Variants in CCDC178 observed in about 807,000 individuals in gnomAD.
CCDC178 encodes the protein coiled-coil domain-containing protein 178.
CCDC178 carries 126 observed loss-of-function variants against 117.4 expected under a neutral mutation model. That is an observed-to-expected ratio of 1.07 (90% CI 0.93 to 1.24). The LOEUF (loss-of-function observed/expected upper bound fraction) is 1.24, where lower values mean the gene tolerates loss of function less well. Ranked by LOEUF, CCDC178 falls within the 50% of genes most tolerant of loss-of-function variation. The pLI, the probability that CCDC178 is intolerant of heterozygous loss-of-function variation, is 0.00. For synonymous variants in CCDC178, 283 were observed against 313.4 expected (o/e 0.90, Z 1.02); for missense variants, 1,030 against 986.9 (o/e 1.04, Z -0.59).
chr18:33,224,916 G>A lies in CCDC178; in HGVS notation c.1677C>T (p.Tyr559=), dbSNP rs747718980. 1.7e-5 allele frequency: 26 copies of A among 1,510,046 alleles called. No individual in the cohort carries two copies. The East Asian group carries it at 3.2e-4, about 19-fold the overall frequency. 93.5% of individuals were successfully genotyped at this position (1,510,046 alleles called of 1,614,324 possible). A position where few individuals can be genotyped will look rare whatever the true frequency, so the allele number is the denominator to read the frequency against. Residue 559 remains tyrosine (Y), a synonymous_variant, in exon 17 of 23, where the codon TAC becomes TAT. Coordinates refer to ENST00000383096, the MANE Select transcript of CCDC178 (RefSeq NM_001105528.4). ...CTTTCCGCTCAAGTGCCTGGACTTCGTAAATGGAATATAGTTTTTTCTGCC... is the reference window on the plus strand; with the variant it reads ...CTTTCCGCTCAAGTGCCTGGACTTCATAAATGGAATATAGTTTTTTCTGCC... ...MVLQKKLYSI[Y]EVQALERKEL...
intron 2 of CCDC178, among the ~76,000 whole-genome samples, chr18:33,415,017 G>C (rs1373190081): frequency 6.6e-6 from 1 of 152,204 alleles, no homozygotes; most frequent in Non-Finnish European, 1.5e-5. Flanking sequence ...TCTCACACCA[G>C]TTAGAATGGC....
intron 4 of CCDC178, among the ~76,000 whole-genome samples, chr18:33,395,692 T>C (rs1277391255): frequency 6.6e-6 from 1 of 152,104 alleles, no homozygotes; most frequent in African/African-American, 2.4e-5. Flanking sequence ...AAAACATGTA[T>C]ACTCTGGAAG....
At chr18:33,417,487 G>C (rs1288422318) in intron 2 of CCDC178, among the ~76,000 whole-genome samples, 1 of 151,522 alleles carries the variant, frequency 6.6e-6, no homozygotes, top group Non-Finnish European at 1.5e-5. Context: ...CATGATGTTG[G>C]TGATGATATA....
At chr18:33,265,390 G>A (rs2059800219) in intron 14 of CCDC178, among the ~76,000 whole-genome samples, 1 of 152,054 alleles carries the variant, frequency 6.6e-6, no homozygotes, top group Non-Finnish European at 1.5e-5. Context: ...TTATGAATAT[G>A]AGAAGAGATG....
At chr18:33,135,716 A>G (rs895110511) in intron 20 of CCDC178, among the ~76,000 whole-genome samples, 8 of 152,154 alleles carry the variant, frequency 5.3e-5, no homozygotes, top group Non-Finnish European at 1.2e-4. Context: ...TGAACTTTGC[A>G]TGACTCATTT....
At chr18:33,260,431 AT>A (rs1395039529) in intron 14 of CCDC178, among the ~76,000 whole-genome samples, 1 of 150,644 alleles carries the variant, frequency 6.6e-6, no homozygotes, top group Non-Finnish European at 1.5e-5. Flanking sequence ...ATTTTTAATT[AT>A]TTTTGTTATT....
intron 20 of CCDC178, among the ~76,000 whole-genome samples, chr18:33,210,051 C>T (rs1255905931): frequency 6.6e-6 from 1 of 152,014 alleles, no homozygotes; most frequent in African/African-American, 2.4e-5. Context: ...TGAAATGCTC[C>T]TGCTTCTTGC....
Position 33,292,462 on chromosome 18 carries a change from T to C in CCDC178, c.1176+697A>G, listed in dbSNP as rs146948376. The stretch of plus-strand genomic sequence containing the variant: ...ACATAGAGAGAGGTTGGATAAGAGA[T>C]AAAAAATTATAGCTTAATAGAGAAG... On this transcript the variant is annotated intron_variant, in intron 12 of 22. Coordinates refer to ENST00000383096, the MANE Select transcript of CCDC178 (RefSeq NM_001105528.4). 3.5e-4 allele frequency among the ~76,000 whole-genome samples: 53 copies of C among 152,184 alleles called. No individual in the cohort carries two copies. The East Asian group carries it at 7.4e-3, about 21-fold the overall frequency.
At position 33,328,103 on chromosome 18, in the gene CCDC178, T is replaced by G. The variant is rs762869106; in HGVS notation, c.880-4470A>C. On this transcript the variant is annotated intron_variant, in intron 10 of 22. Transcript: ENST00000383096. ...CCTAGATTTTTTTTTTTTTTTTTTT[T>G]TTTTTTTTTTTTTTTTTGAGACAGA... is the stretch of plus-strand genomic sequence containing the variant. 296 of 184,888 alleles carry G rather than the reference T, an allele frequency of 1.6e-3. 1 individual carries two copies. The highest frequency in any genetic ancestry group is 2.0e-3 in the Non-Finnish European group (219 of 110,274). 11.5% of individuals were successfully genotyped at this position (184,888 alleles called of 1,614,324 possible).
intron 21 of CCDC178, among the ~76,000 whole-genome samples, chr18:33,007,226 C>T (rs989088520): frequency 4.6e-5 from 7 of 151,888 alleles, no homozygotes; most frequent in Non-Finnish European, 1.0e-4. Context: ...TTCTACGCAA[C>T]AACAAGGCCT....
chr18:33,230,486 T>C (rs978513103), intron 15 of CCDC178, among the ~76,000 whole-genome samples: 4 of 152,164 alleles, frequency 2.6e-5, no homozygotes, highest in African/African-American at 7.2e-5. Context: ...TTGTCTGTTA[T>C]ATAATATTTG....
chr18:33,386,618 C>T (rs2063496333), intron 5 of CCDC178, among the ~76,000 whole-genome samples: 1 of 152,008 alleles, frequency 6.6e-6, no homozygotes, highest in African/African-American at 2.4e-5. Flanking sequence ...ACACAAAAAC[C>T]ACATGATTAT....
intron 5 of CCDC178, among the ~76,000 whole-genome samples, chr18:33,370,703 C>T (rs1251498908): frequency 6.6e-6 from 1 of 151,894 alleles, no homozygotes; most frequent in Non-Finnish European, 1.5e-5. Context: ...CTCCTTCATC[C>T]TCATAATAAC....
chr18:33,386,248 T>C (rs2063490625), intron 5 of CCDC178, among the ~76,000 whole-genome samples: 1 of 152,150 alleles, frequency 6.6e-6, no homozygotes, highest in African/African-American at 2.4e-5. Context: ...CAGATCCAGA[T>C]GGATTTATAG....
At chr18:33,368,131 T>C (rs1200915489) in intron 6 of CCDC178, among the ~76,000 whole-genome samples, 1 of 152,040 alleles carries the variant, frequency 6.6e-6, no homozygotes, top group Non-Finnish European at 1.5e-5. Context: ...ACTACCTGTG[T>C]GATGTGTACA....
intron 20 of CCDC178, among the ~76,000 whole-genome samples, chr18:33,114,660 G>A (rs757151271): frequency 2.0e-5 from 3 of 152,032 alleles, no homozygotes; most frequent in African/African-American, 7.2e-5. Context: ...TTGGCAATAT[G>A]TAGATTAAAT....
chr18:33,328,104 T>G (rs768494916), intron 10 of CCDC178: 3,047 of 184,842 alleles, frequency 0.016, 38 homozygotes, highest in Middle Eastern at 0.032. Context: ...TTTTTTTTTT[T>G]TTTTTTTTTT....
intron 15 of CCDC178, among the ~76,000 whole-genome samples, chr18:33,239,066 C>T (rs1277356881): frequency 6.6e-6 from 1 of 151,984 alleles, no homozygotes; most frequent in East Asian, 1.9e-4. Flanking sequence ...TTCTACAGAA[C>T]AGAAAACCTA....
chr18:33,142,758 T>C (rs2144306184), intron 20 of CCDC178, among the ~76,000 whole-genome samples: 1 of 152,290 alleles, frequency 6.6e-6, no homozygotes, highest in Admixed American at 6.5e-5. Flanking sequence ...ATTTTAATTT[T>C]TGCAAACATA....
Sources: allele counts gnomAD v4.1 joint callset (sites outside exome capture counted in the v4.1 genomes callset), GRCh38; gene constraint gnomAD v4.1.1; transcripts MANE v1.5; gene names NCBI Gene and HGNC (gene_info 2026-07-23, HGNC 2026-07-21).